Variants in UTRN observed in about 807,000 individuals in gnomAD.
The protein encoded by UTRN is dystrophin-related protein 1.
UTRN carries 283 observed loss-of-function variants against 463.9 expected under a neutral mutation model. The observed-to-expected ratio is 0.61, with a 90% CI of 0.55 to 0.67. UTRN has a LOEUF of 0.67. UTRN is among the 30% of genes least tolerant of loss of function. The pLI is 0.00. For missense variants in UTRN, 3,922 were observed against 4,084.3 expected, an observed-to-expected ratio of 0.96 and a Z score of 1.08; for synonymous variants, 1,442 against 1,431.5, an observed-to-expected ratio of 1.01 and a Z score of -0.17.
chr6:144,386,562 AT>A (rs1562326509), intron 2 of UTRN, among the ~76,000 whole-genome samples: 1 of 152,184 alleles, frequency 6.6e-6, no homozygotes, highest in African/African-American at 2.4e-5. Context: ...AAACCTTTCA[AT>A]TATTTTATTT....
At chr6:144,515,091 G>A (rs969938671) in intron 37 of UTRN, among the ~76,000 whole-genome samples, 1 of 152,096 alleles carries the variant, frequency 6.6e-6, no homozygotes, top group Non-Finnish European at 1.5e-5. Flanking sequence ...TTTTAGGAGA[G>A]ATAGGGTTTC....
At chr6:144,593,818 G>C (rs1458771981) in intron 51 of UTRN, among the ~76,000 whole-genome samples, 6 of 152,166 alleles carry the variant, frequency 3.9e-5, no homozygotes, top group African/African-American at 1.4e-4. Flanking sequence ...ATGTATGCCA[G>C]ATCTTTTTGA....
intron 55 of UTRN, 116 bp downstream of exon 55, chr6:144,748,630 G>A (rs933506240): frequency 1.9e-5 from 26 of 1,337,712 alleles, no homozygotes; most frequent in Admixed American, 8.3e-5. Flanking sequence ...AGCCAACGCC[G>A]CTGCAACCCC....
At chr6:144,834,469 T>G (rs1227437923) in intron 69 of UTRN, among the ~76,000 whole-genome samples, 1 of 152,220 alleles carries the variant, frequency 6.6e-6, no homozygotes, top group South Asian at 2.1e-4. Context: ...CATCTAGCTC[T>G]CTGATCTCAA....
chr6:144,448,635 G>T lies in UTRN; in HGVS notation c.1938G>T (p.Gln646His). The change falls in exon 17 of 75, where the codon CAG (glutamine) becomes CAT (histidine). Residue 646 changes from glutamine to histidine, a missense_variant. Gln to His is a conservative substitution (Grantham distance 24, BLOSUM62 0). Around this residue, in one of 3 missense-constraint regions of UTRN, gnomAD observed 2,349 missense variants for 2,303.8 expected, o/e 1.02. Coordinates refer to ENST00000367545, the MANE Select transcript of UTRN (RefSeq NM_007124.3). ...TQAVAKLGMSQIPQKDLLETV... is the reference protein window; with the variant it reads ...TQAVAKLGMSHIPQKDLLETV... The stretch of plus-strand genomic sequence containing the variant: ...CTGTAGCAAAGCTGGGGATGTCTCA[G>T]ATTCCTCAGAAGGACCTTTTGGAGA... The T allele has an allele frequency of 6.2e-7, 1 of 1,613,998 alleles. No homozygotes were observed. The highest frequency in any genetic ancestry group is 2.2e-5 in the East Asian group (1 of 44,870).
chr6:144,448,860 G>T (rs56862634), intron 17 of UTRN, 91 bp downstream of exon 17: 5 of 1,366,628 alleles, frequency 3.7e-6, no homozygotes, highest in Middle Eastern at 2.2e-4. Flanking sequence ...ATTAATCATA[G>T]GCAAATCTAG....
chr6:144,799,831 T>G (rs1414757601), intron 64 of UTRN, among the ~76,000 whole-genome samples: 1 of 152,194 alleles, frequency 6.6e-6, no homozygotes, highest in Non-Finnish European at 1.5e-5. Flanking sequence ...AAGTTAGGAT[T>G]CAAATCCAGA....
chr6:144,852,946 A>C lies in UTRN; in HGVS notation c.*1949A>C, dbSNP rs1782564741. On this transcript the variant is annotated 3_prime_UTR_variant, in exon 75 of 75. Transcript: ENST00000367545. ...GGAAGTAAGTATGTAGTTCTTTTGA[A>C]ATATGTGGTAAAGAACTAATCACAG... The C allele has an allele frequency of 6.6e-6, 1 of 152,494 alleles. No individual in the cohort carries two copies. The highest frequency in any genetic ancestry group is 2.4e-5 in the African/African-American group (1 of 41,466). 9.4% of individuals were successfully genotyped at this position (152,494 alleles called of 1,614,324 possible). A position where few individuals can be genotyped will look rare whatever the true frequency, so the allele number is the denominator to read the frequency against.
intron 53 of UTRN, among the ~76,000 whole-genome samples, chr6:144,718,790 T>C (rs1048769520): frequency 2.0e-5 from 3 of 152,210 alleles, no homozygotes; most frequent in African/African-American, 4.8e-5. Context: ...CAGCCTTCCA[T>C]GAGGGCTCAG....
chr6:144,289,297 T>G (rs636408), intron 1 of UTRN, among the ~76,000 whole-genome samples: 33,353 of 152,120 alleles, frequency 0.22, 4,170 homozygotes, highest in South Asian at 0.42. Context: ...TATGAATCTC[T>G]CATATCCAAT....
intron 51 of UTRN, 47 bp downstream of exon 51, chr6:144,577,335 C>G (rs766100359): frequency 1.3e-6 from 2 of 1,579,964 alleles, no homozygotes; most frequent in African/African-American, 2.7e-5. Flanking sequence ...GCCCTGTGTG[C>G]TTTTGATCCC....
rs569158839 is a variant in UTRN, at chr6:144,557,105, A to G, written c.7135-52A>G. ...CTGGGAGTACCATTGTTTTGATTAT[A>G]CTAATTACTGAGTGACCAAGTCTAA... On this transcript the variant is annotated intron_variant, in intron 49 of 74. Coordinates refer to ENST00000367545, the MANE Select transcript of UTRN (RefSeq NM_007124.3). The G allele has an allele frequency of 1.9e-6, 3 of 1,581,600 alleles. No individual in the cohort carries two copies. The South Asian group carries it at 3.5e-5, about 18-fold the overall frequency.
In UTRN at chr6:144,459,790, A is replaced by G. The variant is rs567743402; in HGVS notation, c.2707+436A>G. Among the ~76,000 whole-genome samples, 18 of 152,052 alleles carry G rather than the reference A, an allele frequency of 1.2e-4. No individual in the cohort carries two copies. In the South Asian group the frequency reaches 2.7e-3, roughly 23 times the overall value. On this transcript the variant is annotated intron_variant, in intron 21 of 74. Transcript: ENST00000367545. Reference sequence around the variant, plus strand: ...TTTTTAGTAGAGCCAGGGTCTAGCTATGTTGCCCACGCTGGTCTAGAACTC... The same window carrying G: ...TTTTTAGTAGAGCCAGGGTCTAGCTGTGTTGCCCACGCTGGTCTAGAACTC...
At chr6:144,752,558 G>C (rs1791516980) in intron 56 of UTRN, among the ~76,000 whole-genome samples, 2 of 151,982 alleles carry the variant, frequency 1.3e-5, no homozygotes. Flanking sequence ...AAATATCAAA[G>C]CACTCAATGG....
At chr6:144,846,883 A>C (rs1782063223) in intron 74 of UTRN, 56 bp downstream of exon 74, 3 of 1,603,316 alleles carry the variant, frequency 1.9e-6, no homozygotes, top group Non-Finnish European at 2.6e-6. Context: ...TAGAGTAAGC[A>C]GATTATCCAC....
At chr6:144,388,321 G>GTT (rs149385653) in intron 2 of UTRN, among the ~76,000 whole-genome samples, 5 of 149,074 alleles carry the variant, frequency 3.4e-5, no homozygotes, top group African/African-American at 7.4e-5. Context: ...AACCTTTTGT[G>GTT]TTTTTTTTTA....
chr6:144,416,041 G>A (rs1485542474), intron 3 of UTRN, among the ~76,000 whole-genome samples: 3 of 151,526 alleles, frequency 2.0e-5, no homozygotes, highest in African/African-American at 4.8e-5. Context: ...GTCCGTGGAT[G>A]TGTGTGTGTG....
At chr6:144,804,292 A>T (rs767136494) in intron 65 of UTRN, among the ~76,000 whole-genome samples, 1 of 152,210 alleles carries the variant, frequency 6.6e-6, no homozygotes, top group Non-Finnish European at 1.5e-5. Context: ...ATTATAATGG[A>T]GGAAGTGCCC....
At chr6:144,753,877 A>C (rs1791672070) in intron 56 of UTRN, among the ~76,000 whole-genome samples, 1 of 152,120 alleles carries the variant, frequency 6.6e-6, no homozygotes, top group African/African-American at 2.4e-5. Context: ...TACAAACAAA[A>C]CAAAACCAAA....
Sources: allele counts gnomAD v4.1 joint callset (sites outside exome capture counted in the v4.1 genomes callset), GRCh38; gene constraint gnomAD v4.1.1; regional missense constraint gnomAD v4.1.1; transcripts MANE v1.5; gene names NCBI Gene and HGNC (gene_info 2026-07-23, HGNC 2026-07-21).